The following ATP8A2 variants were observed in gnomAD, a reference collection of about 807,000 sequenced individuals.
ATP8A2 encodes the protein ATPase phospholipid transporting 8A2.
In ATP8A2, 100 loss-of-function variants were observed where a neutral mutation model predicts 165.6. The observed-to-expected ratio is 0.60, with a 90% CI of 0.51 to 0.71. ATP8A2 has a LOEUF of 0.71. Among genes scored for constraint, ATP8A2 ranks in the 30% least tolerant of loss-of-function variants. ATP8A2 has a pLI of 0.00. For synonymous variants in ATP8A2, 543 were observed against 548.8 expected, an observed-to-expected ratio of 0.99 and a Z score of 0.15; for missense variants, 1,227 against 1,479.5, an observed-to-expected ratio of 0.83 and a Z score of 2.80.
chr13:25,447,209 C>T (rs2035093579), intron 1 of ATP8A2, among the ~76,000 whole-genome samples: 1 of 151,994 alleles, frequency 6.6e-6, no homozygotes, highest in South Asian at 2.1e-4. Context: ...GGGGGGTTAA[C>T]CTGGGGTTTG....
chr13:25,679,742 C>T (rs984370508), intron 24 of ATP8A2, among the ~76,000 whole-genome samples: 2 of 152,126 alleles, frequency 1.3e-5, no homozygotes, highest in African/African-American at 4.8e-5. Flanking sequence ...TCTGGAGAGG[C>T]CTGGGCGAAG....
intron 33 of ATP8A2, among the ~76,000 whole-genome samples, chr13:25,890,111 G>A (rs981524594): frequency 5.3e-5 from 8 of 151,998 alleles, no homozygotes; most frequent in African/African-American, 1.7e-4. Context: ...GCAGTGAGCC[G>A]AGATCGCTCC....
At chr13:25,717,088 A>G (rs2043270644) in intron 25 of ATP8A2, among the ~76,000 whole-genome samples, 1 of 152,228 alleles carries the variant, frequency 6.6e-6, no homozygotes, top group Non-Finnish European at 1.5e-5. Flanking sequence ...GTGAGTCTTC[A>G]CTTAATGTGC....
intron 16 of ATP8A2, among the ~76,000 whole-genome samples, chr13:25,570,275 A>G (rs961808857): frequency 6.6e-6 from 1 of 152,164 alleles, no homozygotes; most frequent in African/African-American, 2.4e-5. Context: ...CCTGAGGTAC[A>G]GCAGTGAGGG....
intron 24 of ATP8A2, among the ~76,000 whole-genome samples, chr13:25,625,599 G>A (rs1199748198): frequency 4.6e-5 from 7 of 152,182 alleles, no homozygotes; most frequent in South Asian, 2.1e-4. Flanking sequence ...TCATTACAGC[G>A]TTTGCCACTG....
At chr13:25,481,502 G>C (rs1385886168) in intron 2 of ATP8A2, among the ~76,000 whole-genome samples, 1 of 152,156 alleles carries the variant, frequency 6.6e-6, no homozygotes, top group Non-Finnish European at 1.5e-5. Context: ...GGTTAATTTA[G>C]TTTAAATTGG....
intron 16 of ATP8A2, among the ~76,000 whole-genome samples, chr13:25,568,193 A>G (rs1593550375): frequency 6.6e-6 from 1 of 152,186 alleles, no homozygotes; most frequent in Admixed American, 6.5e-5. Context: ...GAATCAACCT[A>G]TGAGAAATTT....
intron 33 of ATP8A2, among the ~76,000 whole-genome samples, chr13:25,933,829 T>C (rs1201917742): frequency 1.3e-5 from 2 of 152,218 alleles, no homozygotes; most frequent in Non-Finnish European, 2.9e-5. Flanking sequence ...CTGCAGCTAA[T>C]TTGTCATTAC....
At chr13:26,004,229 C>T (rs1429778295) in intron 35 of ATP8A2, among the ~76,000 whole-genome samples, 5 of 151,702 alleles carry the variant, frequency 3.3e-5, no homozygotes, top group African/African-American at 1.2e-4. Context: ...AGTCTTTTAC[C>T]CCTTGATTAA....
intron 27 of ATP8A2, among the ~76,000 whole-genome samples, chr13:25,776,970 T>G (rs2138334328): frequency 1.4e-5 from 2 of 146,342 alleles, no homozygotes; most frequent in Non-Finnish European, 3.1e-5. Flanking sequence ...ATCTTGCTGG[T>G]GTTTTTTTTT....
At chr13:25,505,403 G>A (rs1328113057) in intron 2 of ATP8A2, among the ~76,000 whole-genome samples, 2 of 151,942 alleles carry the variant, frequency 1.3e-5, no homozygotes, top group African/African-American at 4.8e-5. Flanking sequence ...TCTGATATTA[G>A]TTTTAAAGTC....
At chr13:25,600,452 T>C (rs1475051138) in intron 24 of ATP8A2, among the ~76,000 whole-genome samples, 1 of 152,192 alleles carries the variant, frequency 6.6e-6, no homozygotes, top group Non-Finnish European at 1.5e-5. Flanking sequence ...CAGAAATGAA[T>C]TTCAAGTGTA....
At chr13:25,466,238 T>G (rs1031821976) in intron 1 of ATP8A2, among the ~76,000 whole-genome samples, 5 of 152,158 alleles carry the variant, frequency 3.3e-5, no homozygotes, top group African/African-American at 1.2e-4. Flanking sequence ...TTTCCCAGTT[T>G]GGACCCTCAG....
At chr13:25,387,346 A>G (rs1225193240) in intron 1 of ATP8A2, among the ~76,000 whole-genome samples, 5 of 151,786 alleles carry the variant, frequency 3.3e-5, no homozygotes, top group Non-Finnish European at 7.4e-5. Flanking sequence ...ATCTCTACGC[A>G]CTCGCTTCTG....
At chr13:25,571,307 G>C (rs2039461386) in intron 17 of ATP8A2, among the ~76,000 whole-genome samples, 1 of 152,170 alleles carries the variant, frequency 6.6e-6, no homozygotes, top group African/African-American at 2.4e-5. Context: ...TGTTTGGTGG[G>C]AGTCATGGGA....
Position 25,593,255 on chromosome 13 carries a change from C to T in ATP8A2, c.2211+3556C>T, listed in dbSNP as rs138636059. Reference sequence around the variant, plus strand: ...GATGGGACAGGGACACAGAAAATGGCCCAACAATTAGAAGCATTTGGCCTG... The same window carrying T: ...GATGGGACAGGGACACAGAAAATGGTCCAACAATTAGAAGCATTTGGCCTG... On this transcript the variant is annotated intron_variant, in intron 24 of 36. Transcript: ENST00000381655. 1.1e-3 allele frequency among the ~76,000 whole-genome samples: 175 copies of T among 152,182 alleles called. 3 individuals carry two copies. In the South Asian group the frequency reaches 0.022, roughly 19 times the overall value.
At chr13:25,800,483 C>A (rs170107) in intron 27 of ATP8A2, among the ~76,000 whole-genome samples, 150,427 of 152,260 alleles carry the variant, frequency 0.99, 74,329 homozygotes, top group East Asian at 1. Context: ...GCCTCTTTCC[C>A]GTGATTTTTC....
intron 30 of ATP8A2, among the ~76,000 whole-genome samples, chr13:25,858,035 A>G (rs1261809415): frequency 6.6e-6 from 1 of 152,180 alleles, no homozygotes; most frequent in Non-Finnish European, 1.5e-5. Context: ...CTGTAAGTAA[A>G]TATTTGTTGA....
At chr13:25,532,428 A>C (rs907644069) in intron 5 of ATP8A2, 111 bp downstream of exon 5, 61 of 686,774 alleles carry the variant, frequency 8.9e-5, no homozygotes, top group Non-Finnish European at 1.4e-4. Context: ...TGGGAAGATG[A>C]TCTATAAAAT....
Sources: gnomAD v4.1 joint callset for allele counts (sites outside exome capture counted in the v4.1 genomes callset) on GRCh38, gnomAD v4.1.1 for gene constraint, MANE v1.5 for transcripts, NCBI Gene and HGNC (gene_info 2026-07-23, HGNC 2026-07-21) for gene names.